The following LRMDA variants were observed in gnomAD, a reference collection of about 807,000 sequenced individuals.
The protein encoded by LRMDA is leucine rich melanocyte differentiation associated, also known as leucine-rich melanocyte differentiation-associated protein.
In LRMDA, 18 loss-of-function variants were observed where a neutral mutation model predicts 29.8. The ratio of observed to expected loss-of-function variants is 0.60; its 90% CI spans 0.42 to 0.90. The LOEUF (loss-of-function observed/expected upper bound fraction) is 0.90. Ranked by LOEUF, LRMDA falls within the 40% of genes least tolerant of loss-of-function variation. The pLI, the probability that LRMDA is intolerant of heterozygous loss-of-function variation, is 0.00. For synonymous variants in LRMDA, 125 were observed against 109.4 expected (o/e 1.14, Z -0.89); for missense variants, 273 against 273.9 (o/e 1.00, Z 0.02).
chr10:75,944,976 A>G (rs1232339611), intron 2 of LRMDA, among the ~76,000 whole-genome samples: 1 of 152,044 alleles, frequency 6.6e-6, no homozygotes, highest in Non-Finnish European at 1.5e-5. Flanking sequence ...CTCAATGTTA[A>G]TATCTACTGG....
At chr10:76,300,545 T>C (rs1840467801) in intron 5 of LRMDA, among the ~76,000 whole-genome samples, 1 of 152,226 alleles carries the variant, frequency 6.6e-6, no homozygotes, top group Non-Finnish European at 1.5e-5. Context: ...ATACTTCACA[T>C]GTGAAAATCA....
chr10:75,522,876 T>C (rs1009066939), intron 2 of LRMDA, among the ~76,000 whole-genome samples: 3 of 152,200 alleles, frequency 2.0e-5, no homozygotes, highest in Admixed American at 2.0e-4. Context: ...GTGTCATTGG[T>C]AGAGGATGCT....
intron 2 of LRMDA, among the ~76,000 whole-genome samples, chr10:75,621,220 A>ACACACACACACC (rs1841180251): frequency 7.6e-6 from 1 of 132,030 alleles, no homozygotes; most frequent in Non-Finnish European, 1.7e-5. Flanking sequence ...ACACACACAC[A>ACACACACACACC]CACACCCACA....
chr10:75,677,703 G>A (rs969122307), intron 2 of LRMDA, among the ~76,000 whole-genome samples: 2 of 152,016 alleles, frequency 1.3e-5, no homozygotes, highest in Non-Finnish European at 2.9e-5. Flanking sequence ...GCAGAATTAC[G>A]GAAAAAACAA....
chr10:76,056,285 T>C (rs1848612910), intron 4 of LRMDA, among the ~76,000 whole-genome samples: 1 of 152,142 alleles, frequency 6.6e-6, no homozygotes, highest in Non-Finnish European at 1.5e-5. Flanking sequence ...AAGTGCATGC[T>C]GATTGGTCCA....
At chr10:75,880,845 G>A (rs1244072846) in intron 2 of LRMDA, among the ~76,000 whole-genome samples, 1 of 152,232 alleles carries the variant, frequency 6.6e-6, no homozygotes, top group Non-Finnish European at 1.5e-5. Context: ...CCTGTACTTG[G>A]TGTAGGAGTA....
At chr10:75,769,671 T>TA in intron 2 of LRMDA, among the ~76,000 whole-genome samples, 1 of 152,342 alleles carries the variant, frequency 6.6e-6, no homozygotes, top group African/African-American at 2.4e-5. Context: ...TACCTTATTT[T>TA]AAAAAAATTT....
Position 76,281,171 on chromosome 10 carries a change from G to A in LRMDA, c.517-43230G>A, listed in dbSNP as rs184724848. Among the ~76,000 whole-genome samples, 498 of 152,212 alleles carry A rather than the reference G, an allele frequency of 3.3e-3. 12 individuals carry two copies. Among genetic ancestry groups the A allele is most frequent in the Non-Finnish European group, 5.9e-4 (40 of 68,010 alleles). ...AGGAAGTGTCTTGCTGAAGAGCAAA[G>A]GTCTTTTCTAGGCTGAGGAAAAGCC... On this transcript the variant is annotated intron_variant, in intron 5 of 6. Coordinates refer to ENST00000611255, the MANE Select transcript of LRMDA (RefSeq NM_001305581.2).
chr10:76,126,293 G>A (rs1849881732), intron 5 of LRMDA, among the ~76,000 whole-genome samples: 2 of 152,274 alleles, frequency 1.3e-5, no homozygotes, highest in South Asian at 2.1e-4. Context: ...CTACTCTAAT[G>A]TAATGACTTT....
chr10:75,447,397 G>A (rs1379897439), intron 2 of LRMDA, among the ~76,000 whole-genome samples: 1 of 151,962 alleles, frequency 6.6e-6, no homozygotes, highest in Non-Finnish European at 1.5e-5. Context: ...GTGGTGGTGG[G>A]TGCTTATAAT....
intron 6 of LRMDA, among the ~76,000 whole-genome samples, chr10:76,510,402 C>A (rs1842998930): frequency 8.6e-6 from 1 of 115,782 alleles, no homozygotes; most frequent in Non-Finnish European, 2.1e-5. Flanking sequence ...GAGACATAAA[C>A]CTGTGGCATG....
intron 2 of LRMDA, among the ~76,000 whole-genome samples, chr10:75,912,643 A>G: frequency 6.6e-6 from 1 of 152,190 alleles, no homozygotes; most frequent in South Asian, 2.1e-4. Flanking sequence ...TGTAGGAAGA[A>G]GAATGTAAGG....
At chr10:76,462,466 T>C (rs1468705950) in intron 6 of LRMDA, among the ~76,000 whole-genome samples, 2 of 152,214 alleles carry the variant, frequency 1.3e-5, no homozygotes, top group Non-Finnish European at 2.9e-5. Flanking sequence ...ATCCTCTTCC[T>C]CTTCACCCAG....
intron 6 of LRMDA, among the ~76,000 whole-genome samples, chr10:76,505,397 A>G (rs946841558): frequency 1.3e-5 from 2 of 152,002 alleles, no homozygotes; most frequent in Non-Finnish European, 1.5e-5. Flanking sequence ...AATAATGTCA[A>G]TGACTTGTAG....
At chr10:76,238,129 T>G (rs903073082) in intron 5 of LRMDA, among the ~76,000 whole-genome samples, 1 of 151,846 alleles carries the variant, frequency 6.6e-6, no homozygotes, top group Non-Finnish European at 1.5e-5. Flanking sequence ...CTACGCGAGG[T>G]CTTTGTATAT....
At chr10:75,863,753 C>G (rs1844973136) in intron 2 of LRMDA, among the ~76,000 whole-genome samples, 1 of 152,170 alleles carries the variant, frequency 6.6e-6, no homozygotes. Context: ...AGGGAAGGCT[C>G]AGCTACTTTC....
chr10:76,275,799 T>C (rs1840123971), intron 5 of LRMDA, among the ~76,000 whole-genome samples: 1 of 152,192 alleles, frequency 6.6e-6, no homozygotes, highest in Admixed American at 6.5e-5. Context: ...TTAAATACTT[T>C]TCCTTCACAA....
At chr10:75,517,525 G>A (rs1845305551) in intron 2 of LRMDA, among the ~76,000 whole-genome samples, 1 of 152,166 alleles carries the variant, frequency 6.6e-6, no homozygotes. Flanking sequence ...ATATAGGAAT[G>A]CTTGTGATTT....
chr10:76,531,873 ATTGG>A (rs1457069977), intron 6 of LRMDA, among the ~76,000 whole-genome samples: 2 of 152,140 alleles, frequency 1.3e-5, no homozygotes, highest in African/African-American at 4.8e-5. Flanking sequence ...TTATTAAGTC[ATTGG>A]TTAAATTTGT....
Sources: gnomAD v4.1 joint callset for allele counts (sites outside exome capture counted in the v4.1 genomes callset) on GRCh38, gnomAD v4.1.1 for gene constraint, MANE v1.5 for transcripts, NCBI Gene and HGNC (gene_info 2026-07-23, HGNC 2026-07-21) for gene names.